Variants in PRR16 observed in about 807,000 individuals in gnomAD.
PRR16 encodes protein Largen.
In PRR16, 6 loss-of-function variants were observed where a neutral mutation model predicts 18.2. The observed-to-expected ratio is 0.33, with a 90% confidence interval of 0.18 to 0.65. The LOEUF is 0.65. Ranked by LOEUF, PRR16 falls within the 30% of genes least tolerant of loss-of-function variation. The pLI, the probability that PRR16 is intolerant of heterozygous loss-of-function variation, is 0.74. For synonymous variants in PRR16, 151 were observed against 147.8 expected (o/e 1.02, Z -0.16); for missense variants, 412 against 376.6 (o/e 1.09, Z -0.78).
intron 1 of PRR16, among the ~76,000 whole-genome samples, chr5:120,583,484 C>T (rs1360453583): frequency 6.6e-6 from 1 of 152,084 alleles, no homozygotes; most frequent in Non-Finnish European, 1.5e-5. Flanking sequence ...GGGGTTAGGC[C>T]AGCTCACAAG....
intron 1 of PRR16, among the ~76,000 whole-genome samples, chr5:120,630,029 C>T (rs934766781): frequency 3.3e-5 from 5 of 151,794 alleles, no homozygotes; most frequent in Non-Finnish European, 5.9e-5. Context: ...AAATTATACC[C>T]GTGTCTGATG....
At chr5:120,487,817 G>A (rs573288704) in intron 1 of PRR16, among the ~76,000 whole-genome samples, 27 of 152,232 alleles carry the variant, frequency 1.8e-4, no homozygotes, top group African/African-American at 4.1e-4. Context: ...TTTGAGATAC[G>A]TCCCAACAGT....
chr5:120,743,899 T>C, the PRR16 span, among the ~76,000 whole-genome samples: 1 of 152,150 alleles, frequency 6.6e-6, no homozygotes, highest in Non-Finnish European at 1.5e-5. Flanking sequence ...GAATCATTTT[T>C]ACCTATTATT....
At chr5:120,520,591 G>C (rs1033007706) in intron 1 of PRR16, among the ~76,000 whole-genome samples, 2 of 152,082 alleles carry the variant, frequency 1.3e-5, no homozygotes, top group Non-Finnish European at 2.9e-5. Flanking sequence ...AACATCTGAA[G>C]TTTCTAATAC....
intron 1 of PRR16, among the ~76,000 whole-genome samples, chr5:120,601,354 G>A (rs1189883152): frequency 6.6e-6 from 1 of 151,834 alleles, no homozygotes; most frequent in Non-Finnish European, 1.5e-5. Context: ...TATGCTTGTT[G>A]GCCTTGTGTA....
At chr5:120,745,091 T>C in the PRR16 span, among the ~76,000 whole-genome samples, 1 of 152,180 alleles carries the variant, frequency 6.6e-6, no homozygotes, top group Non-Finnish European at 1.5e-5. Context: ...CCAAAAGTCT[T>C]TCCCAATCCT....
the PRR16 span, among the ~76,000 whole-genome samples, chr5:120,780,505 A>G: frequency 6.6e-6 from 1 of 152,124 alleles, no homozygotes; most frequent in Non-Finnish European, 1.5e-5. Context: ...GAGACGGAAA[A>G]ACATTTTCGT....
At chr5:120,544,314 G>A (rs1294462002) in intron 1 of PRR16, among the ~76,000 whole-genome samples, 4 of 152,106 alleles carry the variant, frequency 2.6e-5, no homozygotes, top group Non-Finnish European at 5.9e-5. Context: ...ATCTTCAAAT[G>A]TTAGCACATA....
chr5:120,569,753 G>A (rs996637652), intron 1 of PRR16, among the ~76,000 whole-genome samples: 2 of 152,100 alleles, frequency 1.3e-5, no homozygotes, highest in Non-Finnish European at 2.9e-5. Flanking sequence ...TTTGAAGAGT[G>A]GGTGACAATT....
chr5:120,769,174 T>G, the PRR16 span, among the ~76,000 whole-genome samples: 1 of 151,750 alleles, frequency 6.6e-6, no homozygotes, highest in African/African-American at 2.4e-5. Flanking sequence ...ACAACACTTC[T>G]ACACAGCTGA....
intron 1 of PRR16, among the ~76,000 whole-genome samples, chr5:120,480,104 C>T (rs140599913): frequency 1.3e-5 from 2 of 152,184 alleles, no homozygotes; most frequent in Non-Finnish European, 2.9e-5. Flanking sequence ...CTTGGGGAAA[C>T]TAACATTTGT....
the PRR16 span, among the ~76,000 whole-genome samples, chr5:120,793,187 C>A: frequency 2.9e-4 from 44 of 152,070 alleles, no homozygotes; most frequent in African/African-American, 8.9e-4. Flanking sequence ...ATATAAAAGA[C>A]ACAGTGACAA....
chr5:120,672,238 C>CTGTGTGTGTGTGTG (rs3048020), intron 1 of PRR16, among the ~76,000 whole-genome samples: 12 of 135,004 alleles, frequency 8.9e-5, no homozygotes, highest in South Asian at 2.6e-4. Context: ...GGTGAGGGGT[C>CTGTGTGTGTGTGTG]TGTGTGTGTG....
the PRR16 span, among the ~76,000 whole-genome samples, chr5:120,793,702 A>T: frequency 2.6e-5 from 4 of 152,244 alleles, no homozygotes; most frequent in Non-Finnish European, 4.4e-5. Context: ...ACAGTTAAGT[A>T]TGCAGAAATG....
At chr5:120,670,866 T>C (rs1447049298) in intron 1 of PRR16, among the ~76,000 whole-genome samples, 2 of 152,170 alleles carry the variant, frequency 1.3e-5, no homozygotes, top group African/African-American at 2.4e-5. Context: ...TCATTTTCTG[T>C]AATTTCCGTA....
intron 1 of PRR16, among the ~76,000 whole-genome samples, chr5:120,582,677 A>AT (rs200824841): frequency 0.015 from 2,228 of 152,252 alleles, 62 homozygotes; most frequent in African/African-American, 0.05. Context: ...TTTCTGAACG[A>AT]TTTTTTAAAA....
chr5:120,580,269 T>G (rs1753223750), intron 1 of PRR16, among the ~76,000 whole-genome samples: 1 of 152,244 alleles, frequency 6.6e-6, no homozygotes, highest in Non-Finnish European at 1.5e-5. Flanking sequence ...AATACTATGT[T>G]GAATAGGAGT....
At chr5:120,549,084 G>A (rs1752167733) in intron 1 of PRR16, among the ~76,000 whole-genome samples, 1 of 151,822 alleles carries the variant, frequency 6.6e-6, no homozygotes, top group South Asian at 2.1e-4. Context: ...CCTCCAAGTT[G>A]CCTAAACTTG....
At chr5:120,476,097 T>G (rs897609897) in intron 1 of PRR16, among the ~76,000 whole-genome samples, 2 of 152,194 alleles carry the variant, frequency 1.3e-5, no homozygotes, top group African/African-American at 4.8e-5. Flanking sequence ...AGCTAATTTA[T>G]CTGCCTTTTG....
Sources: allele counts gnomAD v4.1 joint callset (sites outside exome capture counted in the v4.1 genomes callset), GRCh38; gene constraint gnomAD v4.1.1; transcripts MANE v1.5; gene names NCBI Gene and HGNC (gene_info 2026-07-23, HGNC 2026-07-21).